STX12: variants seen among roughly 807,000 people sequenced by gnomAD.
STX12 encodes the protein syntaxin 12.
In STX12, 17 loss-of-function variants were observed where a neutral mutation model predicts 42.2. The ratio of observed to expected loss-of-function variants is 0.40; its 90% CI spans 0.28 to 0.60. The LOEUF is 0.60. Among genes scored for constraint, STX12 ranks in the 20% least tolerant of loss-of-function variants. The probability of loss-of-function intolerance (pLI) is 0.39; values close to 1 mark genes in which losing one functional copy is unlikely to be tolerated. For missense variants in STX12, 297 were observed against 330.9 expected (o/e 0.90, Z 0.79); for synonymous variants, 108 against 116.7 (o/e 0.93, Z 0.48).
intron 2 of STX12, among the ~76,000 whole-genome samples, chr1:27,791,248 C>T (rs550496143): frequency 3.3e-5 from 5 of 151,992 alleles, no homozygotes; most frequent in Non-Finnish European, 5.9e-5. Context: ...GTGACAAGAG[C>T]GAAACTCCGT....
intron 8 of STX12, among the ~76,000 whole-genome samples, chr1:27,821,266 A>AGCCT (rs757127339): frequency 1.3e-4 from 20 of 152,162 alleles, no homozygotes; most frequent in Non-Finnish European, 2.9e-4. Flanking sequence ...ATTCGTATTT[A>AGCCT]ATAATAGTGT....
intron 1 of STX12, among the ~76,000 whole-genome samples, 191 bp from the exon 2 acceptor site, chr1:27,789,371 G>C (rs1220323659): frequency 2.0e-5 from 3 of 152,172 alleles, no homozygotes; most frequent in Non-Finnish European, 2.9e-5. Context: ...TACTCTATAG[G>C]AGAAAGGTGA....
chr1:27,811,924 C>G, intron 5 of STX12: 1 of 590,074 alleles, frequency 1.7e-6, no homozygotes, highest in African/African-American at 1.9e-5. Context: ...GAGTCCCATC[C>G]GTCATAATTC....
intron 4 of STX12, among the ~76,000 whole-genome samples, chr1:27,808,311 T>TTTTTATTTA (rs1553182789): frequency 6.9e-6 from 1 of 144,158 alleles, no homozygotes; most frequent in Non-Finnish European, 1.5e-5. Flanking sequence ...TTGCTTTGTT[T>TTTTTATTTA]TTTATTTATT....
chr1:27,801,581 GA>G, intron 3 of STX12, 96 bp from the exon 4 acceptor site: 3 of 1,270,326 alleles, frequency 2.4e-6, no homozygotes, highest in Non-Finnish European at 3.1e-6. Flanking sequence ...TTCCTAGTTG[GA>G]AATCTTTAAG....
chr1:27,822,181 C>A (rs763446043), intron 8 of STX12, 50 bp from the exon 9 acceptor site: 1 of 1,164,628 alleles, frequency 8.6e-7, no homozygotes, highest in South Asian at 1.2e-5. Flanking sequence ...CTTACACATA[C>A]AAATTTTACT....
rs2088608656 is a variant in STX12, at chr1:27,773,365, C to A, written c.58C>A (p.Arg20=). Residue 20 remains arginine, a synonymous_variant, in exon 1 of 9, where the codon CGG becomes AGG. Transcript: ENST00000373943. ...CCCGGGGCCCTCGGGGCCCCAGCTC[C>A]GGGACTTCAGCAGCATCATCCAGAC... ...RNPGPSGPQL[R]DFSSIIQTCS... 1 of 1,613,554 alleles carries A rather than the reference C, an allele frequency of 6.2e-7. No homozygotes were observed. Among genetic ancestry groups the A allele is most frequent in the Non-Finnish European group, 8.5e-7 (1 of 1,179,734 alleles).
chr1:27,797,531 G>A (rs1220221646), intron 3 of STX12, among the ~76,000 whole-genome samples: 3 of 152,100 alleles, frequency 2.0e-5, no homozygotes, highest in African/African-American at 7.2e-5. Context: ...CCAAGGTTGT[G>A]CCATTGATCC....
At chr1:27,800,089 C>T (rs1415351336) in intron 3 of STX12, among the ~76,000 whole-genome samples, 16 of 152,214 alleles carry the variant, frequency 1.1e-4, no homozygotes, top group Admixed American at 1.0e-3. Context: ...TGGTTGGCCC[C>T]TTTCTTAACT....
rs1036771558 is a variant in STX12 at position 27,823,827 on chromosome 1, G to A, written c.*1498G>A. 3 of 152,560 alleles carry A rather than the reference G, an allele frequency of 2.0e-5. No homozygotes were observed. The highest frequency in any genetic ancestry group is 7.2e-5 in the African/African-American group (3 of 41,440). The allele number at this position is 152,560 out of a possible 1,614,324, so 9.5% of individuals were successfully genotyped here. A position where few individuals can be genotyped will look rare whatever the true frequency, so the allele number is the denominator to read the frequency against. On this transcript the variant is annotated 3_prime_UTR_variant, in exon 9 of 9. Coordinates refer to ENST00000373943, the MANE Select transcript of STX12 (RefSeq NM_177424.3). ...TGTGGTAGGTATTAGGTAATGTGCT[G>A]TCATGAGAAAAATTGAGACTTCCAA...
Position 27,823,807 on chromosome 1 carries a change from T to A in STX12, c.*1478T>A, listed in dbSNP as rs536858964. ...TTTATGAGTTAACATCCTAATGTGG[T>A]AGGTATTAGGTAATGTGCTGTCATG... On this transcript the variant is annotated 3_prime_UTR_variant, in exon 9 of 9. Transcript: ENST00000373943. 2 of 152,724 alleles carry A rather than the reference T, an allele frequency of 1.3e-5. No homozygotes were observed. The highest frequency in any genetic ancestry group is 3.9e-4 in the East Asian group (2 of 5,190). 9.5% of individuals were successfully genotyped at this position (152,724 alleles called of 1,614,324 possible).
chr1:27,820,300 A>G (rs1436013585), intron 8 of STX12: 1 of 152,202 alleles, frequency 6.6e-6, no homozygotes, highest in East Asian at 1.9e-4. Context: ...TTGGTGTTGC[A>G]TGGCTTTTTA....
At chr1:27,820,321 G>A (rs1275585242) in intron 8 of STX12, 3 of 152,170 alleles carry the variant, frequency 2.0e-5, no homozygotes, top group South Asian at 2.1e-4. Flanking sequence ...GAAATAAATA[G>A]CATTTCATGT....
At position 27,792,152 on chromosome 1, in the gene STX12, G is replaced by GTATATATCTATATGTATATACATATATA. The variant is rs1319234182; in HGVS notation, c.189-1380_189-1379insATATATCTATATGTATATACATATATAT. 5.5e-4 allele frequency among the ~76,000 whole-genome samples: 50 copies of GTATATATCTATATGTATATACATATATA among 91,538 alleles called. 13 individuals are homozygous for GTATATATCTATATGTATATACATATATA. Among genetic ancestry groups the GTATATATCTATATGTATATACATATATA allele is most frequent in the African/African-American group, 5.2e-3 (46 of 8,770 alleles). The allele number at this position is 91,538 out of a possible 152,430, so 60.1% of individuals were successfully genotyped here. On this transcript the variant is annotated intron_variant, in intron 2 of 8. Coordinates refer to ENST00000373943, the MANE Select transcript of STX12 (RefSeq NM_177424.3). ...TCTATATATGTATATATCTATATAT[G>GTATATATCTATATGTATATACATATATA]TGTATCTATATATGTATATACATAT...
At chr1:27,786,478 G>A (rs755836797) in intron 1 of STX12, among the ~76,000 whole-genome samples, 10 of 152,176 alleles carry the variant, frequency 6.6e-5, no homozygotes, top group Admixed American at 6.5e-5. Context: ...TGACCACTCT[G>A]TATAACTAGT....
intron 1 of STX12, among the ~76,000 whole-genome samples, chr1:27,777,785 G>A (rs2088636948): frequency 6.6e-6 from 1 of 152,160 alleles, no homozygotes; most frequent in African/African-American, 2.4e-5. Context: ...TACTTGGGAG[G>A]CTGAGGCAGG....
At chr1:27,801,991 A>C (rs548567666) in intron 4 of STX12, 176 bp downstream of exon 4, 1 of 545,792 alleles carries the variant, frequency 1.8e-6, no homozygotes, top group African/African-American at 2.0e-5. Context: ...CCTAGAAAGG[A>C]ATCTGAATGA....
intron 8 of STX12, among the ~76,000 whole-genome samples, chr1:27,821,525 C>T (rs1267883074): frequency 6.6e-6 from 1 of 150,934 alleles, no homozygotes; most frequent in Non-Finnish European, 1.5e-5. Flanking sequence ...ACGGTATTAT[C>T]TATGGGTGAT....
intron 1 of STX12, among the ~76,000 whole-genome samples, chr1:27,780,209 G>GTTT (rs199499561): frequency 0.041 from 5,157 of 125,892 alleles, 481 homozygotes; most frequent in African/African-American, 0.15. Context: ...TTCTTTGCTT[G>GTTT]TTTTTTTTTT....
Sources: gnomAD v4.1 joint callset for allele counts (sites outside exome capture counted in the v4.1 genomes callset) on GRCh38, gnomAD v4.1.1 for gene constraint, MANE v1.5 for transcripts, NCBI Gene and HGNC (gene_info 2026-07-23, HGNC 2026-07-21) for gene names.